Variants in BMPR2 observed in about 807,000 individuals in gnomAD.
BMPR2 encodes the protein bone morphogenetic protein receptor type-2.
Under a neutral mutation model 100.8 loss-of-function variants are expected in BMPR2, and 29 were observed. The observed-to-expected ratio is 0.29, with a 90% CI of 0.21 to 0.39. The LOEUF is 0.39. Among genes scored for constraint, BMPR2 ranks in the 10% least tolerant of loss-of-function variants. The pLI is 1.00. For synonymous variants in BMPR2, 382 were observed against 442.3 expected, an observed-to-expected ratio of 0.86 and a Z score of 1.71; for missense variants, 1,011 against 1,274.5, an observed-to-expected ratio of 0.79 and a Z score of 3.15.
chr2:202,399,979 C>G (rs1432225031), intron 1 of BMPR2, among the ~76,000 whole-genome samples: 2 of 152,060 alleles, frequency 1.3e-5, no homozygotes, highest in Admixed American at 6.6e-5. Context: ...GGTGTGATGG[C>G]ACTCACCTGT....
At chr2:202,394,607 A>G (rs1412920173) in intron 1 of BMPR2, among the ~76,000 whole-genome samples, 1 of 152,120 alleles carries the variant, frequency 6.6e-6, no homozygotes, top group Non-Finnish European at 1.5e-5. Flanking sequence ...AGAGTTAGGG[A>G]AACAGACTAA....
chr2:202,551,848 C>A (rs1024747939), intron 10 of BMPR2, among the ~76,000 whole-genome samples: 9 of 151,064 alleles, frequency 6.0e-5, no homozygotes, highest in African/African-American at 2.2e-4. Context: ...AGATGCATAC[C>A]ACCATGCTGG....
intron 1 of BMPR2, among the ~76,000 whole-genome samples, chr2:202,425,211 G>A (rs1484986184): frequency 6.6e-6 from 1 of 152,148 alleles, no homozygotes; most frequent in African/African-American, 2.4e-5. Context: ...ACCATGCCCA[G>A]CCGAGCAAGT....
At chr2:202,524,587 A>G (rs1307423962) in intron 7 of BMPR2, among the ~76,000 whole-genome samples, 2 of 152,066 alleles carry the variant, frequency 1.3e-5, no homozygotes, top group African/African-American at 2.4e-5. Flanking sequence ...CAAGACCAAC[A>G]TGGTGAAACC....
chr2:202,382,393 G>C (rs1291169031), intron 1 of BMPR2, among the ~76,000 whole-genome samples: 2 of 151,924 alleles, frequency 1.3e-5, no homozygotes, highest in African/African-American at 4.8e-5. Context: ...GTTTCACCAT[G>C]TTGGCCAGGC....
intron 1 of BMPR2, among the ~76,000 whole-genome samples, chr2:202,453,848 A>C (rs1373863249): frequency 6.6e-6 from 1 of 152,220 alleles, no homozygotes; most frequent in African/African-American, 2.4e-5. Flanking sequence ...ACAAAGAATA[A>C]ATGCTTAAGG....
At chr2:202,482,132 C>T (rs565781329) in intron 3 of BMPR2, among the ~76,000 whole-genome samples, 2 of 152,290 alleles carry the variant, frequency 1.3e-5, no homozygotes, top group South Asian at 4.1e-4. Context: ...CATGAAGGTT[C>T]ATCCATCTTG....
chr2:202,453,372 C>T (rs1692027951), intron 1 of BMPR2, among the ~76,000 whole-genome samples: 1 of 152,110 alleles, frequency 6.6e-6, no homozygotes, highest in African/African-American at 2.4e-5. Context: ...CTGTTTACTT[C>T]ACCATTGTTC....
chr2:202,434,737 C>T (rs1298456960), intron 1 of BMPR2, among the ~76,000 whole-genome samples: 2 of 147,980 alleles, frequency 1.4e-5, no homozygotes, highest in Non-Finnish European at 2.9e-5. Flanking sequence ...GAGCATCCTA[C>T]CTCAGCCTCC....
chr2:202,482,952 G>A (rs1336808115), intron 3 of BMPR2, among the ~76,000 whole-genome samples: 2 of 151,794 alleles, frequency 1.3e-5, no homozygotes, highest in Admixed American at 6.6e-5. Flanking sequence ...CCCAAAGTGC[G>A]GCGTGAACCA....
At chr2:202,487,477 A>G (rs1692802451) in intron 3 of BMPR2, among the ~76,000 whole-genome samples, 1 of 152,222 alleles carries the variant, frequency 6.6e-6, no homozygotes, top group Non-Finnish European at 1.5e-5. Flanking sequence ...TGAAACTTGA[A>G]TTACAGTTAA....
At chr2:202,478,029 CA>C in intron 3 of BMPR2, among the ~76,000 whole-genome samples, 1 of 152,196 alleles carries the variant, frequency 6.6e-6, no homozygotes, top group Middle Eastern at 3.4e-3. Flanking sequence ...CACAGAGTGG[CA>C]AAAAATTCAA....
chr2:202,478,685 G>T (rs1692596609), intron 3 of BMPR2, among the ~76,000 whole-genome samples: 1 of 152,166 alleles, frequency 6.6e-6, no homozygotes, highest in Admixed American at 6.5e-5. Context: ...GAAGTTGGTG[G>T]ATCACTTGAG....
intron 1 of BMPR2, among the ~76,000 whole-genome samples, chr2:202,450,329 C>T (rs75298509): frequency 0.043 from 6,541 of 152,160 alleles, 458 homozygotes; most frequent in African/African-American, 0.15. Flanking sequence ...CTGTTGTATT[C>T]TAGATACAGA....
At chr2:202,442,421 ACTTC>A (rs1157883735) in intron 1 of BMPR2, among the ~76,000 whole-genome samples, 2 of 150,410 alleles carry the variant, frequency 1.3e-5, no homozygotes, top group Admixed American at 6.6e-5. Flanking sequence ...GTATATCGGT[ACTTC>A]CTTTCTTTTT....
intron 3 of BMPR2, 23 bp downstream of exon 3, chr2:202,467,712 CT>C: frequency 6.3e-7 from 1 of 1,589,964 alleles, no homozygotes. Context: ...ACCAACTTTT[CT>C]TTGTATTTCC....
At chr2:202,484,061 C>T (rs1692718199) in intron 3 of BMPR2, among the ~76,000 whole-genome samples, 1 of 152,148 alleles carries the variant, frequency 6.6e-6, no homozygotes, top group African/African-American at 2.4e-5. Flanking sequence ...ACTCAGGCAT[C>T]ATGAGAGAGT....
At position 202,530,981 on chromosome 2, in the gene BMPR2, T is replaced by G. The variant is rs1255643927; in HGVS notation, c.1128+27T>G. ...TGAGTGTATACAAAAGGTATCACACTGATGTACTTTGAAATGATAATTTAA... is the reference window on the plus strand; with the variant it reads ...TGAGTGTATACAAAAGGTATCACACGGATGTACTTTGAAATGATAATTTAA... On this transcript the variant is annotated intron_variant, in intron 8 of 12. Coordinates refer to ENST00000374580, the MANE Select transcript of BMPR2 (RefSeq NM_001204.7). 3 of 1,612,350 alleles carry G rather than the reference T, an allele frequency of 1.9e-6. No individual in the cohort carries two copies. The East Asian group carries it at 6.7e-5, about 36-fold the overall frequency.
At chr2:202,388,131 T>A (rs1459891894) in intron 1 of BMPR2, among the ~76,000 whole-genome samples, 1 of 152,102 alleles carries the variant, frequency 6.6e-6, no homozygotes, top group Non-Finnish European at 1.5e-5. Flanking sequence ...TCACGGTGGC[T>A]CATGTCTGTA....
Sources: allele counts gnomAD v4.1 joint callset (sites outside exome capture counted in the v4.1 genomes callset), GRCh38; gene constraint gnomAD v4.1.1; transcripts MANE v1.5; gene names NCBI Gene and HGNC (gene_info 2026-07-23, HGNC 2026-07-21).